SHISA9: variants seen among roughly 807,000 people sequenced by gnomAD.
SHISA9 encodes the protein protein shisa-9.
A neutral mutation model predicts 38.0 loss-of-function variants in SHISA9; 13 were observed. That is an observed-to-expected ratio of 0.34 (90% CI 0.22 to 0.54). The LOEUF (loss-of-function observed/expected upper bound fraction) is 0.54, where lower values mean the gene tolerates loss of function less well. Ranked by LOEUF, SHISA9 falls within the 20% of genes least tolerant of loss-of-function variation. The probability of loss-of-function intolerance (pLI) is 0.91; values close to 1 mark genes in which losing one functional copy is unlikely to be tolerated. For missense variants in SHISA9, 538 were observed against 575.8 expected, an observed-to-expected ratio of 0.93 and a Z score of 0.67; for synonymous variants, 275 against 242.0, an observed-to-expected ratio of 1.14 and a Z score of -1.27.
intron 2 of SHISA9, among the ~76,000 whole-genome samples, chr16:13,075,214 A>G (rs1358542097): frequency 6.6e-6 from 1 of 152,212 alleles, no homozygotes; most frequent in Non-Finnish European, 1.5e-5. Flanking sequence ...GAGCAGGGAC[A>G]TGGGAATTTC....
chr16:13,458,498 T>C, the SHISA9 span: 9 of 406,652 alleles, frequency 2.2e-5, no homozygotes, highest in African/African-American at 2.1e-5. Flanking sequence ...ATTGGTAATC[T>C]AGAAAAAACT....
chr16:12,972,556 C>T (rs1158056291), intron 2 of SHISA9, among the ~76,000 whole-genome samples: 1 of 152,214 alleles, frequency 6.6e-6, no homozygotes, highest in Admixed American at 6.5e-5. Flanking sequence ...AAATCAACTT[C>T]TCATGAAGGT....
intron 2 of SHISA9, among the ~76,000 whole-genome samples, chr16:13,034,902 A>G (rs1215896192): frequency 1.3e-5 from 2 of 152,338 alleles, no homozygotes; most frequent in South Asian, 2.1e-4. Context: ...CCAGTACTAG[A>G]CATGTGAATG....
rs536667731 is a variant in SHISA9, at chr16:12,910,581, A to G, written c.564-6107A>G. 1.1e-4 allele frequency: 105 copies of G among 985,442 alleles called. No individual in the cohort carries two copies. The African/African-American group carries it at 1.8e-3, about 17-fold the overall frequency. 61.0% of individuals were successfully genotyped at this position (985,442 alleles called of 1,614,324 possible). ...TCAGTACTCTCTTGTGAAATTTTCAATATTCAGTCATTTCAACCTCAAAAA... is the reference window on the plus strand; with the variant it reads ...TCAGTACTCTCTTGTGAAATTTTCAGTATTCAGTCATTTCAACCTCAAAAA... On this transcript the variant is annotated intron_variant, in intron 1 of 4. Transcript: ENST00000558583.
the SHISA9 span, among the ~76,000 whole-genome samples, chr16:13,268,087 C>G: frequency 6.6e-6 from 1 of 152,006 alleles, no homozygotes; most frequent in Non-Finnish European, 1.5e-5. Context: ...CCTTACTACC[C>G]CACCCATCAG....
At chr16:13,260,979 C>T in the SHISA9 span, among the ~76,000 whole-genome samples, 2 of 152,066 alleles carry the variant, frequency 1.3e-5, no homozygotes, top group Admixed American at 1.3e-4. Flanking sequence ...GAGGAAGAAG[C>T]AAAAGCAGAA....
the SHISA9 span, among the ~76,000 whole-genome samples, chr16:13,534,838 T>C: frequency 2.0e-5 from 3 of 152,162 alleles, no homozygotes; most frequent in Non-Finnish European, 2.9e-5. Flanking sequence ...TCTCCTCTTA[T>C]CTTTGCCTTC....
At chr16:13,169,444 A>AATCCC (rs1472828899) in intron 2 of SHISA9, among the ~76,000 whole-genome samples, 1 of 152,196 alleles carries the variant, frequency 6.6e-6, no homozygotes, top group Non-Finnish European at 1.5e-5. Context: ...GTTAGGAAAA[A>AATCCC]ATCCCCCTCT....
intron 2 of SHISA9, among the ~76,000 whole-genome samples, chr16:13,106,277 T>G (rs2141961830): frequency 6.6e-6 from 1 of 152,296 alleles, no homozygotes; most frequent in South Asian, 2.1e-4. Context: ...GATTGTATAC[T>G]TTTCATCTGT....
At chr16:13,091,177 C>A (rs1315926460) in intron 2 of SHISA9, among the ~76,000 whole-genome samples, 1 of 151,292 alleles carries the variant, frequency 6.6e-6, no homozygotes, top group Non-Finnish European at 1.5e-5. Context: ...CACTGTTAGT[C>A]TGATGGGCTT....
At chr16:12,943,322 TGTGTGTGTGAGAGAGA>T (rs2071643152) in intron 2 of SHISA9, among the ~76,000 whole-genome samples, 2 of 22,118 alleles carry the variant, frequency 9.0e-5, no homozygotes, top group Non-Finnish European at 1.8e-4. Flanking sequence ...TGTGTGTGTG[TGTGTGTGTGAGAGAGA>T]GAGAGAGAGA....
At chr16:12,939,841 C>T (rs573311027) in intron 2 of SHISA9, among the ~76,000 whole-genome samples, 10 of 152,094 alleles carry the variant, frequency 6.6e-5, no homozygotes, top group Admixed American at 2.0e-4. Context: ...AAGTTCTCTC[C>T]GCAGAACCTC....
the SHISA9 span, among the ~76,000 whole-genome samples, chr16:13,302,311 G>A: frequency 3.9e-5 from 6 of 152,108 alleles, no homozygotes; most frequent in South Asian, 2.1e-4. Context: ...GAGTGCATGC[G>A]TCTATATTAG....
the SHISA9 span, among the ~76,000 whole-genome samples, chr16:13,356,351 T>A: frequency 2.3e-4 from 35 of 152,212 alleles, no homozygotes; most frequent in African/African-American, 8.2e-4. Flanking sequence ...GCCAAACAAG[T>A]CATGAACTGG....
intron 4 of SHISA9, among the ~76,000 whole-genome samples, chr16:13,229,849 G>T (rs2051313951): frequency 6.6e-6 from 1 of 152,214 alleles, no homozygotes; most frequent in African/African-American, 2.4e-5. Flanking sequence ...AGTCTTGCAA[G>T]ATGAGTAACA....
At chr16:12,986,573 C>T (rs558628918) in intron 2 of SHISA9, among the ~76,000 whole-genome samples, 3 of 152,240 alleles carry the variant, frequency 2.0e-5, no homozygotes, top group East Asian at 3.9e-4. Flanking sequence ...TCTTTTCAGA[C>T]TGGATATTGG....
At chr16:13,102,280 T>A (rs756711859) in intron 2 of SHISA9, among the ~76,000 whole-genome samples, 4 of 152,236 alleles carry the variant, frequency 2.6e-5, no homozygotes, top group Admixed American at 2.0e-4. Flanking sequence ...CCTAGCACTG[T>A]GCACCAGCTC....
the SHISA9 span, among the ~76,000 whole-genome samples, chr16:13,342,487 T>G: frequency 6.6e-6 from 1 of 152,174 alleles, no homozygotes; most frequent in African/African-American, 2.4e-5. Context: ...AATTTCACCA[T>G]GTTGGTCAGA....
chr16:13,131,919 C>T (rs913755359), intron 2 of SHISA9, among the ~76,000 whole-genome samples: 2 of 152,206 alleles, frequency 1.3e-5, no homozygotes, highest in East Asian at 3.8e-4. Context: ...ATCCCGGACT[C>T]ATGGGTTTGC....
Sources: gnomAD v4.1 joint callset for allele counts (sites outside exome capture counted in the v4.1 genomes callset) on GRCh38, gnomAD v4.1.1 for gene constraint, MANE v1.5 for transcripts, NCBI Gene and HGNC (gene_info 2026-07-23, HGNC 2026-07-21) for gene names.